TMEM196: variants seen among roughly 807,000 people sequenced by gnomAD.
TMEM196 encodes the protein transmembrane protein 196.
A neutral mutation model predicts 20.0 loss-of-function variants in TMEM196; 17 were observed. That is an observed-to-expected ratio of 0.85 (90% CI 0.58 to 1.27). The LOEUF is 1.27. TMEM196 is among the 50% of genes most tolerant of loss of function. The pLI, the probability that TMEM196 is intolerant of heterozygous loss-of-function variation, is 0.00. For missense variants in TMEM196, 267 were observed against 223.0 expected (o/e 1.20, Z -1.26); for synonymous variants, 113 against 88.9 (o/e 1.27, Z -1.52).
chr7:19,741,274 T>A (rs1784574383), intron 1 of TMEM196, among the ~76,000 whole-genome samples: 1 of 152,202 alleles, frequency 6.6e-6, no homozygotes, highest in South Asian at 2.1e-4. Flanking sequence ...CTACTTGTTA[T>A]ATCCAGCTTT....
chr7:19,745,965 G>T (rs1265249400), intron 1 of TMEM196, among the ~76,000 whole-genome samples: 1 of 151,934 alleles, frequency 6.6e-6, no homozygotes, highest in Non-Finnish European at 1.5e-5. Flanking sequence ...AAAGTGCTAA[G>T]TCATAAAAAT....
rs1336623776 is a variant in TMEM196 at position 19,721,752 on chromosome 7, A to AT, written c.*375dup. 1 of 198,220 alleles carries AT rather than the reference A, an allele frequency of 5.0e-6. No individual in the cohort carries two copies. Among genetic ancestry groups the AT allele is most frequent in the Non-Finnish European group, 1.0e-5 (1 of 99,042 alleles). 12.3% of individuals were successfully genotyped at this position (198,220 alleles called of 1,614,324 possible). A position where few individuals can be genotyped will look rare whatever the true frequency, so the allele number is the denominator to read the frequency against. On this transcript the variant is annotated 3_prime_UTR_variant, in exon 5 of 5. Coordinates refer to ENST00000405844, the MANE Select transcript of TMEM196 (RefSeq NM_001363562.2). ...TCATATGAAATATGTCATTACAAAT[A>AT]TAATAATCATGCTAGTCAAATAGTG...
Position 19,719,614 on chromosome 7 carries a change from G to T in TMEM196, c.*2514C>A, listed in dbSNP as rs1417148832. 6.6e-6 allele frequency: 1 copy of T among 151,914 alleles called. No individual in the cohort carries two copies. The highest frequency in any genetic ancestry group is 1.5e-5 in the Non-Finnish European group (1 of 67,924). The allele number at this position is 151,914 out of a possible 1,614,324, so 9.4% of individuals were successfully genotyped here. ...GGTAGGCTCATACTAAAACTATAAG[G>T]TAGTCACTTAAAACATTCCAGCATG... On this transcript the variant is annotated 3_prime_UTR_variant, in exon 5 of 5. Coordinates refer to ENST00000405844, the MANE Select transcript of TMEM196 (RefSeq NM_001363562.2).
intron 1 of TMEM196, among the ~76,000 whole-genome samples, chr7:19,755,183 G>T (rs980117258): frequency 6.6e-6 from 1 of 152,000 alleles, no homozygotes; most frequent in Non-Finnish European, 1.5e-5. Context: ...TTTCTACTTA[G>T]GCAAAATCTA....
rs908788226 is a variant in TMEM196, at chr7:19,773,418, T to A, written c.-722A>T. The stretch of plus-strand genomic sequence containing the variant: ...CCTCCTTTCTCTCGAGCTGATTCTC[T>A]TTCATTGCTATGACCTCATTGGGGT... On this transcript the variant is annotated 5_prime_UTR_variant, in exon 1 of 5. The change creates a new upstream start codon in the 5' untranslated region. Coordinates refer to ENST00000405844, the MANE Select transcript of TMEM196 (RefSeq NM_001363562.2). The A allele has an allele frequency of 4.8e-5, 8 of 165,088 alleles. No individual in the cohort carries two copies. Among genetic ancestry groups the A allele is most frequent in the Non-Finnish European group, 1.5e-5 (1 of 68,452 alleles). 10.2% of individuals were successfully genotyped at this position (165,088 alleles called of 1,614,324 possible).
chr7:19,725,571 C>T lies in TMEM196; in HGVS notation c.402G>A (p.Arg134=), dbSNP rs1161843841. ...AATGCTCCCTTTCTGAGAACATCCTCCTCTGTTCATAACTGGCTAGTCGAC... is the reference window on the plus strand; with the variant it reads ...AATGCTCCCTTTCTGAGAACATCCTTCTCTGTTCATAACTGGCTAGTCGAC... The part of the protein sequence containing the change: ...LTCRLASYEQ[R]RMFSEREHSL... The change falls in exon 3 of 5, where the codon AGG becomes AGA. Residue 134 remains arginine, a synonymous_variant. Coordinates refer to ENST00000405844, the MANE Select transcript of TMEM196 (RefSeq NM_001363562.2). The T allele has an allele frequency of 2.5e-6, 4 of 1,613,888 alleles. No individual in the cohort carries two copies. Among genetic ancestry groups the T allele is most frequent in the Non-Finnish European group, 3.4e-6 (4 of 1,179,930 alleles).
intron 1 of TMEM196, among the ~76,000 whole-genome samples, chr7:19,759,898 C>T: frequency 6.6e-6 from 1 of 152,092 alleles, no homozygotes; most frequent in East Asian, 1.9e-4. Context: ...TCTTAGTAGC[C>T]TCCTAATTAC....
At chr7:19,742,154 A>G (rs1784602974) in intron 1 of TMEM196, among the ~76,000 whole-genome samples, 1 of 152,174 alleles carries the variant, frequency 6.6e-6, no homozygotes, top group African/African-American at 2.4e-5. Flanking sequence ...AAAATGTCTC[A>G]GGACATTAAA....
intron 1 of TMEM196, among the ~76,000 whole-genome samples, chr7:19,733,611 C>G (rs1784288381): frequency 6.7e-6 from 1 of 150,370 alleles, no homozygotes. Flanking sequence ...AGGGCCTATT[C>G]AAATATAGAT....
chr7:19,739,895 T>G (rs1784528897), intron 1 of TMEM196, among the ~76,000 whole-genome samples: 1 of 152,174 alleles, frequency 6.6e-6, no homozygotes, highest in Non-Finnish European at 1.5e-5. Flanking sequence ...ATACAATGCT[T>G]ATAGATAAAT....
At chr7:19,733,517 GC>G (rs990446400) in intron 1 of TMEM196, among the ~76,000 whole-genome samples, 3 of 152,122 alleles carry the variant, frequency 2.0e-5, no homozygotes, top group Non-Finnish European at 4.4e-5. Flanking sequence ...GAGGTGTAAA[GC>G]CCTGCTCCTT....
At chr7:19,748,947 A>T (rs1160753836) in intron 1 of TMEM196, among the ~76,000 whole-genome samples, 2 of 152,236 alleles carry the variant, frequency 1.3e-5, no homozygotes, top group Non-Finnish European at 2.9e-5. Flanking sequence ...TTAATAAAAT[A>T]TTGGAATATA....
Position 19,724,291 on chromosome 7 carries a change from C to T in TMEM196, c.522G>A (p.Glu174=). The change falls in exon 4 of 5, where the codon GAG becomes GAA. Residue 174 remains glutamate (E), a synonymous_variant. Coordinates refer to ENST00000405844, the MANE Select transcript of TMEM196 (RefSeq NM_001363562.2). ...PSCPVVPPTP[E]LPTRK ...AGAAATCAGCGTACCTTGTAGGTAA[C>T]TCTGGTGTCGGGGGCACCACCGGGC... is the stretch of plus-strand genomic sequence containing the variant. The T allele has an allele frequency of 1.3e-6, 2 of 1,550,308 alleles. No homozygotes were observed. The highest frequency in any genetic ancestry group is 1.7e-6 in the Non-Finnish European group (2 of 1,146,840).
rs868440880 is a variant in TMEM196 at position 19,724,166 on chromosome 7, A to T, written c.533+114T>A. The T allele has an allele frequency of 1.8e-5, 17 of 919,234 alleles. No homozygotes were observed. The Middle Eastern group carries it at 3.1e-3, about 168-fold the overall frequency. The allele number at this position is 919,234 out of a possible 1,614,324, so 56.9% of individuals were successfully genotyped here. On this transcript the variant is annotated intron_variant, in intron 4 of 4. Transcript: ENST00000405844. ...GCTTACGAAAGCGATACTTTGAGAA[A>T]CAACATTAAACAACATCAGTTCAGA...
rs992447024 is a variant in TMEM196 at position 19,721,267 on chromosome 7, C to T, written c.*861G>A. On this transcript the variant is annotated 3_prime_UTR_variant, in exon 5 of 5. Transcript: ENST00000405844. The stretch of plus-strand genomic sequence containing the variant: ...TCTTAATAATACCCCCACAGCATCA[C>T]AATTTCTTTTCTAATACCTATTTAC... The T allele has an allele frequency of 1.3e-5, 2 of 151,838 alleles. No individual in the cohort carries two copies. Among genetic ancestry groups the T allele is most frequent in the Non-Finnish European group, 2.9e-5 (2 of 67,802 alleles). 9.4% of individuals were successfully genotyped at this position (151,838 alleles called of 1,614,324 possible). A position where few individuals can be genotyped will look rare whatever the true frequency, so the allele number is the denominator to read the frequency against.
chr7:19,740,310 T>C (rs965377380), intron 1 of TMEM196, among the ~76,000 whole-genome samples: 1 of 152,180 alleles, frequency 6.6e-6, no homozygotes, highest in African/African-American at 2.4e-5. Flanking sequence ...ATTATCTATA[T>C]ACAAGTTTGC....
At chr7:19,742,068 C>G (rs1784598399) in intron 1 of TMEM196, among the ~76,000 whole-genome samples, 1 of 152,152 alleles carries the variant, frequency 6.6e-6, no homozygotes, top group Non-Finnish European at 1.5e-5. Context: ...CATCTAGAAT[C>G]TTGCATCTGG....
At chr7:19,743,528 T>C (rs1784649042) in intron 1 of TMEM196, among the ~76,000 whole-genome samples, 1 of 152,184 alleles carries the variant, frequency 6.6e-6, no homozygotes, top group African/African-American at 2.4e-5. Context: ...AAGTATGATT[T>C]TCTTCCTGAA....
intron 1 of TMEM196, among the ~76,000 whole-genome samples, chr7:19,767,173 C>G (rs1252099911): frequency 6.6e-6 from 1 of 152,022 alleles, no homozygotes; most frequent in Non-Finnish European, 1.5e-5. Flanking sequence ...AGAATCTAGA[C>G]TAAGAAATTC....
Sources: allele counts gnomAD v4.1 joint callset (sites outside exome capture counted in the v4.1 genomes callset), GRCh38; gene constraint gnomAD v4.1.1; transcripts MANE v1.5; gene names NCBI Gene and HGNC (gene_info 2026-07-23, HGNC 2026-07-21).